Variants in CTNNA1 observed in about 807,000 individuals in gnomAD.
CTNNA1 encodes the protein catenin alpha-1.
A neutral mutation model predicts 98.4 loss-of-function variants in CTNNA1; 37 were observed. The ratio of observed to expected loss-of-function variants is 0.38; its 90% CI spans 0.29 to 0.49. The LOEUF (loss-of-function observed/expected upper bound fraction) is 0.49. Ranked by LOEUF, CTNNA1 falls within the 20% of genes least tolerant of loss-of-function variation. CTNNA1 has a pLI of 0.95. For missense variants in CTNNA1, 761 were observed against 1,147.2 expected (o/e 0.66, Z 4.86); for synonymous variants, 404 against 413.2 (o/e 0.98, Z 0.27).
rs1181055311 is a variant in CTNNA1, at chr5:138,791,615, C to CAAAAAAAAA, written c.301+8262_301+8270dup. Among the ~76,000 whole-genome samples the CAAAAAAAAA allele has an allele frequency of 1.0e-3, 41 of 40,304 alleles. 1 individual carries two copies. The highest frequency in any genetic ancestry group is 4.2e-3 in the African/African-American group (39 of 9,200). The allele number at this position is 40,304 out of a possible 152,430, so 26.4% of individuals were successfully genotyped here. On this transcript the variant is annotated intron_variant, in intron 3 of 17. Transcript: ENST00000302763. ...CTGGAGACAGAGCAAGACTCCGTCT[C>CAAAAAAAAA]AAAAAAAAAAAAAAAAAAAAAAAAA... is the stretch of plus-strand genomic sequence containing the variant.
chr5:138,769,349 T>C (rs1753270831), intron 1 of CTNNA1, among the ~76,000 whole-genome samples: 1 of 151,628 alleles, frequency 6.6e-6, no homozygotes. Flanking sequence ...ACTGTGTTTT[T>C]AAATTTTTAT....
chr5:138,882,510 A>G lies in CTNNA1; in HGVS notation c.1063-3702A>G, dbSNP rs1753141562. On this transcript the variant is annotated intron_variant, in intron 7 of 17. Coordinates refer to ENST00000302763, the MANE Select transcript of CTNNA1 (RefSeq NM_001903.5). ...TTCAATGTAGGGCACTTTTTATCTA[A>G]GAAGTATGGTGGGATGATATTTGTT... Among the ~76,000 whole-genome samples the G allele has an allele frequency of 3.9e-5, 6 of 152,164 alleles. No homozygotes were observed. In the South Asian group the frequency reaches 1.2e-3, roughly 32 times the overall value.
intron 5 of CTNNA1, among the ~76,000 whole-genome samples, chr5:138,816,537 T>C (rs879427386): frequency 2.5e-4 from 38 of 152,282 alleles, no homozygotes; most frequent in Non-Finnish European, 4.6e-4. Flanking sequence ...CCACCAGCAT[T>C]TTTTTTCCTT....
At chr5:138,797,947 C>G (rs971508482) in intron 3 of CTNNA1, among the ~76,000 whole-genome samples, 1 of 152,060 alleles carries the variant, frequency 6.6e-6, no homozygotes, top group African/African-American at 2.4e-5. Context: ...TTGGTTGTAG[C>G]TATTAGCACA....
rs370092949 is a variant in CTNNA1 at position 138,874,411 on chromosome 5, C to G, written c.1063-11801C>G. ...TGGCGTTTGGCACTGAGTGGAAGCC[C>G]TGAGAGTCGCAGTAGAAGAGCAGCT... On this transcript the variant is annotated intron_variant, in intron 7 of 17. Transcript: ENST00000302763. This position sits in a 1 kb window ranked among gnomAD's most constrained non-coding sequence, Gnocchi z 4.1. 78 of 1,613,792 alleles carry G rather than the reference C, an allele frequency of 4.8e-5. No individual in the cohort carries two copies. The highest frequency in any genetic ancestry group is 6.4e-5 in the Non-Finnish European group (76 of 1,179,876).
intron 4 of CTNNA1, among the ~76,000 whole-genome samples, chr5:138,811,250 G>T (rs1359310920): frequency 1.4e-5 from 2 of 145,658 alleles, no homozygotes; most frequent in Non-Finnish European, 3.0e-5. Flanking sequence ...GGTCGCGGCC[G>T]GGCAGAGGCG....
chr5:138,812,851 C>T (rs1407240315), intron 5 of CTNNA1, among the ~76,000 whole-genome samples: 1 of 152,210 alleles, frequency 6.6e-6, no homozygotes, highest in Non-Finnish European at 1.5e-5. Context: ...CTTTGAAACC[C>T]TTCCTGTGCC....
rs1226011081 is a variant in CTNNA1, at chr5:138,919,731, AT to A, written c.1546+1837del. On this transcript the variant is annotated intron_variant, in intron 11 of 17. Coordinates refer to ENST00000302763, the MANE Select transcript of CTNNA1 (RefSeq NM_001903.5). ...GTGGTGGTGTTTTCAGAGCATCTGA[AT>A]TTTAGAAGTCTACCTGGTGTGTTTT... Among the ~76,000 whole-genome samples the A allele has an allele frequency of 2.6e-5, 4 of 152,310 alleles. No homozygotes were observed. The East Asian group carries it at 7.7e-4, about 29-fold the overall frequency.
intron 7 of CTNNA1, among the ~76,000 whole-genome samples, chr5:138,866,529 A>G (rs989479577): frequency 6.6e-6 from 1 of 152,180 alleles, no homozygotes. Flanking sequence ...TAAGTGAGGC[A>G]TGAACCATTG....
chr5:138,819,482 C>T (rs796213279), intron 5 of CTNNA1, among the ~76,000 whole-genome samples: 33 of 152,284 alleles, frequency 2.2e-4, no homozygotes, highest in African/African-American at 7.7e-4. Context: ...ATGCAGGGTA[C>T]TATGTCGGCT....
intron 7 of CTNNA1, among the ~76,000 whole-genome samples, chr5:138,877,593 G>T (rs921175325): frequency 6.6e-6 from 1 of 151,896 alleles, no homozygotes; most frequent in African/African-American, 2.4e-5. Context: ...GACTACAGGC[G>T]CCCGCCACCA....
chr5:138,930,460 C>A lies in CTNNA1; in HGVS notation c.2011-13C>A. The A allele has an allele frequency of 1.9e-6, 3 of 1,595,902 alleles. No homozygotes were observed. Among genetic ancestry groups the A allele is most frequent in the South Asian group, 2.3e-5 (2 of 88,472 alleles). On this transcript the variant is annotated splice_polypyrimidine_tract_variant and intron_variant, in intron 14 of 17. Transcript: ENST00000302763. ...TCTTTTTATGTAAGAGCTCTTTGTG[C>A]TTCTGATCACAGGCGATCATGGCTC... is the stretch of plus-strand genomic sequence containing the variant.
At chr5:138,765,086 A>G (rs1382632850) in intron 1 of CTNNA1, among the ~76,000 whole-genome samples, 1 of 150,798 alleles carries the variant, frequency 6.6e-6, no homozygotes, top group Non-Finnish European at 1.5e-5. Context: ...TGTCCCCCAG[A>G]TTGGAGTGCA....
chr5:138,811,930 C>G (rs904550480), intron 4 of CTNNA1: 1 of 333,346 alleles, frequency 3.0e-6, no homozygotes, highest in African/African-American at 2.2e-5. Flanking sequence ...AGAGGGAGAC[C>G]GTGGGGAGAG....
Position 138,859,430 on chromosome 5 carries a change from A to G in CTNNA1, c.1063-26782A>G, listed in dbSNP as rs567401603. On this transcript the variant is annotated intron_variant, in intron 7 of 17. Coordinates refer to ENST00000302763, the MANE Select transcript of CTNNA1 (RefSeq NM_001903.5). Reference sequence around the variant, plus strand: ...TGACTTTAAATACCTGTATTCACGGATGATGACTTCTAAATTTATGTTTCC... The same window carrying G: ...TGACTTTAAATACCTGTATTCACGGGTGATGACTTCTAAATTTATGTTTCC... 3.9e-5 allele frequency among the ~76,000 whole-genome samples: 6 copies of G among 152,326 alleles called. No homozygotes were observed. The East Asian group carries it at 1.2e-3, about 29-fold the overall frequency.
At chr5:138,892,295 A>AT (rs1264757242) in intron 9 of CTNNA1, among the ~76,000 whole-genome samples, 1 of 150,338 alleles carries the variant, frequency 6.7e-6, no homozygotes, top group Non-Finnish European at 1.5e-5. Flanking sequence ...GAAAAAGAAT[A>AT]TAAAATATGG....
intron 3 of CTNNA1, among the ~76,000 whole-genome samples, chr5:138,799,545 G>A (rs79003713): frequency 0.044 from 6,742 of 152,012 alleles, 232 homozygotes; most frequent in Non-Finnish European, 0.064. Flanking sequence ...ATTTTTTTAA[G>A]CAAGGTTTTG....
rs138259674 is a variant in CTNNA1 at position 138,835,338 on chromosome 5, C to T, written c.1062+7620C>T. On this transcript the variant is annotated intron_variant, in intron 7 of 17. Coordinates refer to ENST00000302763, the MANE Select transcript of CTNNA1 (RefSeq NM_001903.5). ...TGAGTGCTGTAGCTGTTTAAATGGG[C>T]TCTGTGGTTTGCAGGTACAGAGGCT... Among the ~76,000 whole-genome samples the T allele has an allele frequency of 5.3e-5, 8 of 152,230 alleles. No homozygotes were observed. The East Asian group carries it at 1.5e-3, about 29-fold the overall frequency.
chr5:138,783,074 C>G, intron 2 of CTNNA1, 103 bp from the exon 3 acceptor site: 1 of 853,010 alleles, frequency 1.2e-6, no homozygotes, highest in Middle Eastern at 3.7e-4. Flanking sequence ...TCAGTGGAAT[C>G]TCATGTGATT....
Sources: allele counts gnomAD v4.1 joint callset (sites outside exome capture counted in the v4.1 genomes callset), GRCh38; gene constraint gnomAD v4.1.1; non-coding constraint Gnocchi (gnomAD v3.1); transcripts MANE v1.5; gene names NCBI Gene and HGNC (gene_info 2026-07-23, HGNC 2026-07-21).